The following KPNA1 variants were observed in gnomAD, a reference collection of about 807,000 sequenced individuals.
The protein encoded by KPNA1 is importin subunit alpha-5.
KPNA1 carries 10 observed loss-of-function variants against 70.5 expected under a neutral mutation model. The ratio of observed to expected loss-of-function variants is 0.14; its 90% confidence interval spans 0.09 to 0.24. KPNA1 has a LOEUF of 0.24. Ranked by LOEUF, KPNA1 falls within the 10% of genes least tolerant of loss-of-function variation. The probability of loss-of-function intolerance (pLI) is 1.00; values close to 1 mark genes in which losing one functional copy is unlikely to be tolerated. For synonymous variants in KPNA1, 192 were observed against 221.9 expected, an observed-to-expected ratio of 0.87 and a Z score of 1.20; for missense variants, 397 against 637.9, an observed-to-expected ratio of 0.62 and a Z score of 4.07.
At chr3:122,511,245 C>G (rs1035332419) in intron 1 of KPNA1, among the ~76,000 whole-genome samples, 10 of 152,090 alleles carry the variant, frequency 6.6e-5, no homozygotes, top group African/African-American at 2.4e-4. Flanking sequence ...CTGACCCCAA[C>G]CTGCCTTGTT....
chr3:122,477,955 A>C (rs972335359), intron 2 of KPNA1, among the ~76,000 whole-genome samples: 4 of 151,792 alleles, frequency 2.6e-5, no homozygotes, highest in Admixed American at 6.6e-5. Flanking sequence ...TGATGTCAGG[A>C]GATTGAGACC....
chr3:122,438,522 G>A (rs553917929), intron 10 of KPNA1, among the ~76,000 whole-genome samples: 2 of 152,082 alleles, frequency 1.3e-5, no homozygotes, highest in South Asian at 4.2e-4. Context: ...GAGTAGCTGG[G>A]ATTACAGGCA....
At chr3:122,462,002 T>C (rs1275330271) in intron 4 of KPNA1, among the ~76,000 whole-genome samples, 2 of 152,184 alleles carry the variant, frequency 1.3e-5, no homozygotes, top group Non-Finnish European at 2.9e-5. Flanking sequence ...ACTAGGGAGA[T>C]TCTTACCCAA....
chr3:122,453,833 A>G (rs755759716), intron 6 of KPNA1, 37 bp downstream of exon 6: 14 of 1,572,710 alleles, frequency 8.9e-6, no homozygotes, highest in Non-Finnish European at 1.2e-5. Context: ...CCAGCCAAAA[A>G]CTTTCTTTCA....
chr3:122,496,589 G>C lies in KPNA1; in HGVS notation c.-5-19C>G. 1 of 1,609,424 alleles carries C rather than the reference G, an allele frequency of 6.2e-7. No individual in the cohort carries two copies. The highest frequency in any genetic ancestry group is 1.3e-5 in the African/African-American group (1 of 74,786). On this transcript the variant is annotated intron_variant, in intron 1 of 13. Coordinates refer to ENST00000344337, the MANE Select transcript of KPNA1 (RefSeq NM_002264.4). ...ATGATTTCTACAATACAAGTGGGGA[G>C]AGAACAAATGAGTTTACTGTGAAGA...
rs113540755 is a variant in KPNA1, at chr3:122,464,061, G to C, written c.238-20C>G. 1.5e-6 allele frequency: 2 copies of C among 1,354,634 alleles called. No individual in the cohort carries two copies. The highest frequency in any genetic ancestry group is 2.1e-6 in the Non-Finnish European group (2 of 972,174). 83.9% of individuals were successfully genotyped at this position (1,354,634 alleles called of 1,614,324 possible). ...ACCACCCTGCGATCACAAACAAAAA[G>C]AACATATAATAAATTATCACCCTTA... On this transcript the variant is annotated intron_variant, in intron 3 of 13. Transcript: ENST00000344337.
At chr3:122,489,769 T>C (rs1261915051) in intron 2 of KPNA1, among the ~76,000 whole-genome samples, 1 of 152,224 alleles carries the variant, frequency 6.6e-6, no homozygotes, top group Non-Finnish European at 1.5e-5. Context: ...CCAGACAATG[T>C]CAATTTTACC....
chr3:122,505,241 T>C (rs996745558), intron 1 of KPNA1, among the ~76,000 whole-genome samples: 3 of 135,940 alleles, frequency 2.2e-5, no homozygotes, highest in Admixed American at 8.1e-5. Context: ...AGGCAGAAGT[T>C]GCAGTGAGCC....
At chr3:122,465,691 GGA>G (rs2107748621) in intron 3 of KPNA1, among the ~76,000 whole-genome samples, 1 of 152,338 alleles carries the variant, frequency 6.6e-6, no homozygotes, top group South Asian at 2.1e-4. Context: ...CACGAGGTCA[GGA>G]GTTCAAGACC....
intron 12 of KPNA1, among the ~76,000 whole-genome samples, chr3:122,431,890 G>A (rs2075915171): frequency 6.6e-6 from 1 of 150,986 alleles, no homozygotes; most frequent in African/African-American, 2.4e-5. Flanking sequence ...TGCAACCTCT[G>A]CCTCCCGGGT....
chr3:122,453,118 T>C (rs555473557), intron 6 of KPNA1, among the ~76,000 whole-genome samples: 1 of 152,242 alleles, frequency 6.6e-6, no homozygotes, highest in East Asian at 1.9e-4. Context: ...CCACCTACTT[T>C]ATTTTCTGTA....
chr3:122,493,529 AT>A (rs1387351921), intron 2 of KPNA1, among the ~76,000 whole-genome samples: 2 of 152,158 alleles, frequency 1.3e-5, no homozygotes, highest in African/African-American at 2.4e-5. Flanking sequence ...AGCCTCAGGA[AT>A]TTTTCTTAAT....
At chr3:122,478,844 A>G (rs2076536422) in intron 2 of KPNA1, among the ~76,000 whole-genome samples, 1 of 137,340 alleles carries the variant, frequency 7.3e-6, no homozygotes, top group Non-Finnish European at 1.5e-5. Flanking sequence ...CAATGAGCCA[A>G]GATTGTGCCA....
Position 122,442,065 on chromosome 3 carries a change from A to T in KPNA1, c.969T>A (p.Ile323=), listed in dbSNP as rs749702718. 22 of 1,613,904 alleles carry T rather than the reference A, an allele frequency of 1.4e-5. No homozygotes were observed. The highest frequency in any genetic ancestry group is 3.3e-4 in the Middle Eastern group (2 of 6,084). Residue 323 remains isoleucine, a synonymous_variant, in exon 10 of 14, where the codon ATT becomes ATA. Coordinates refer to ENST00000344337, the MANE Select transcript of KPNA1 (RefSeq NM_002264.4). ...GTGTCTGAATATCATCCCCTGTGAC[A>T]ATGTTTCCCACAGCTCGCAAAGCAG... ...VSPALRAVGN[I]VTGDDIQTQV... is the part of the protein sequence containing the mutation.
chr3:122,455,231 G>A (rs1349530859), intron 5 of KPNA1, among the ~76,000 whole-genome samples: 2 of 152,210 alleles, frequency 1.3e-5, no homozygotes, highest in African/African-American at 4.8e-5. Context: ...TCAAAGCCAT[G>A]TTAGTGATAG....
intron 1 of KPNA1, chr3:122,514,458 C>G (rs1576358977): frequency 6.6e-6 from 1 of 151,318 alleles, no homozygotes; most frequent in Non-Finnish European, 1.5e-5. Context: ...TCCCCGGCGC[C>G]GCTTACAGCC....
intron 2 of KPNA1, among the ~76,000 whole-genome samples, chr3:122,468,200 C>T (rs962843513): frequency 7.2e-5 from 11 of 152,162 alleles, no homozygotes; most frequent in African/African-American, 2.7e-4. Context: ...CCAATACTGC[C>T]TCAGATTACT....
At chr3:122,486,179 C>G (rs1456351039) in intron 2 of KPNA1, among the ~76,000 whole-genome samples, 3 of 152,142 alleles carry the variant, frequency 2.0e-5, no homozygotes, top group Admixed American at 1.3e-4. Context: ...CACGAGTGTT[C>G]CTAACAATTT....
At position 122,423,483 on chromosome 3, in the gene KPNA1, T is replaced by A. The variant is rs972442633; in HGVS notation, c.*3502A>T. Reference sequence around the variant, plus strand: ...CATCCTTAGACACCACAATTTCCAATATACTTAAAAACCATCAACCCCTAA... The same window carrying A: ...CATCCTTAGACACCACAATTTCCAAAATACTTAAAAACCATCAACCCCTAA... On this transcript the variant is annotated 3_prime_UTR_variant, in exon 14 of 14. Transcript: ENST00000344337. The A allele has an allele frequency of 3.3e-5, 5 of 152,396 alleles. No homozygotes were observed. Among genetic ancestry groups the A allele is most frequent in the African/African-American group, 9.7e-5 (4 of 41,438 alleles). 9.4% of individuals were successfully genotyped at this position (152,396 alleles called of 1,614,324 possible). A position where few individuals can be genotyped will look rare whatever the true frequency, so the allele number is the denominator to read the frequency against.
Sources: gnomAD v4.1 joint callset for allele counts (sites outside exome capture counted in the v4.1 genomes callset) on GRCh38, gnomAD v4.1.1 for gene constraint, MANE v1.5 for transcripts, NCBI Gene and HGNC (gene_info 2026-07-23, HGNC 2026-07-21) for gene names.